Variants in ULK4 observed in about 807,000 individuals in gnomAD.
ULK4 encodes the protein inactive serine/threonine-protein kinase ULK4.
In ULK4, 133 loss-of-function variants were observed where a neutral mutation model predicts 160.6. The observed-to-expected ratio is 0.83, with a 90% CI of 0.72 to 0.96. ULK4 has a LOEUF of 0.96. ULK4 is among the 40% of genes least tolerant of loss of function. The pLI, the probability that ULK4 is intolerant of heterozygous loss-of-function variation, is 0.00. For missense variants in ULK4, 1,580 were observed against 1,499.5 expected, an observed-to-expected ratio of 1.05 and a Z score of -0.89; for synonymous variants, 534 against 539.8, an observed-to-expected ratio of 0.99 and a Z score of 0.15.
chr3:41,569,788 AT>A (rs10711757), intron 31 of ULK4, among the ~76,000 whole-genome samples: 84,815 of 150,288 alleles, frequency 0.56, 24,347 homozygotes, highest in Admixed American at 0.67. Flanking sequence ...ACTACCCTAC[AT>A]TTTTTTTTTG....
At chr3:41,694,424 G>C (rs1433329490) in intron 27 of ULK4, among the ~76,000 whole-genome samples, 1 of 152,212 alleles carries the variant, frequency 6.6e-6, no homozygotes, top group Non-Finnish European at 1.5e-5. Context: ...GACATACTCT[G>C]TTGGATGGGT....
chr3:41,706,875 GTGTGTGTGTGTGTGTA>G (rs1439304080), intron 25 of ULK4, among the ~76,000 whole-genome samples: 1 of 129,554 alleles, frequency 7.7e-6, no homozygotes, highest in Non-Finnish European at 1.5e-5. Context: ...GTGTGTGTGT[GTGTGTGTGTGTGTGTA>G]TATATATATA....
At chr3:41,803,479 CTTTT>C (rs1011076110) in intron 19 of ULK4, among the ~76,000 whole-genome samples, 3 of 151,946 alleles carry the variant, frequency 2.0e-5, no homozygotes, top group African/African-American at 4.8e-5. Context: ...GCAAAGCTTT[CTTTT>C]TTATTATTAT....
chr3:41,445,207 C>G (rs1268794274), intron 34 of ULK4, among the ~76,000 whole-genome samples: 3 of 152,116 alleles, frequency 2.0e-5, no homozygotes, highest in African/African-American at 7.2e-5. Flanking sequence ...CAAACCACTG[C>G]TCAAGGAAAT....
chr3:41,583,381 T>C (rs6808562), intron 31 of ULK4, among the ~76,000 whole-genome samples: 31,901 of 152,182 alleles, frequency 0.21, 3,683 homozygotes, highest in South Asian at 0.3. Flanking sequence ...TATTTTCCAC[T>C]ATGAATCTCT....
At chr3:41,671,448 C>G (rs947761386) in intron 29 of ULK4, among the ~76,000 whole-genome samples, 2 of 152,028 alleles carry the variant, frequency 1.3e-5, no homozygotes, top group African/African-American at 4.8e-5. Context: ...ACATTTGTAG[C>G]CAATTAATCT....
intron 35 of ULK4, among the ~76,000 whole-genome samples, chr3:41,274,098 C>CAGTAAGCTGAGGCAATCAT (rs2125688608): frequency 6.6e-6 from 1 of 152,108 alleles, no homozygotes; most frequent in East Asian, 1.9e-4. Context: ...ACTCTCAAGG[C>CAGTAAGCTGAGGCAATCAT]AGTAAGCTGA....
At chr3:41,429,697 C>T (rs2082859206) in intron 34 of ULK4, among the ~76,000 whole-genome samples, 1 of 150,862 alleles carries the variant, frequency 6.6e-6, no homozygotes, top group African/African-American at 2.4e-5. Context: ...AATGAGAACA[C>T]ATGGACAATG....
chr3:41,681,752 C>T lies in ULK4; in HGVS notation c.2833+1G>A. ...ATTCTTGCTGGTGTCATCACACTTA[C>T]CATTTTGGCTTTGAACCAAGGACAC... On this transcript the variant is annotated splice_donor_variant, in intron 28 of 36. Transcript: ENST00000301831. LOFTEE classifies it high-confidence loss of function. 6.2e-7 allele frequency: 1 copy of T among 1,614,064 alleles called. No individual in the cohort carries two copies. The highest frequency in any genetic ancestry group is 8.5e-7 in the Non-Finnish European group (1 of 1,179,962).
chr3:41,673,639 T>C (rs2035609063), intron 29 of ULK4, among the ~76,000 whole-genome samples: 1 of 152,118 alleles, frequency 6.6e-6, no homozygotes, highest in African/African-American at 2.4e-5. Flanking sequence ...CACATTTATA[T>C]CAGCATGATC....
At chr3:41,442,822 T>A (rs1415637396) in intron 34 of ULK4, among the ~76,000 whole-genome samples, 5 of 152,210 alleles carry the variant, frequency 3.3e-5, no homozygotes, top group African/African-American at 1.2e-4. Flanking sequence ...ATTTAATATT[T>A]ATTTAGTACT....
At chr3:41,608,418 G>C (rs1349592788) in intron 31 of ULK4, among the ~76,000 whole-genome samples, 1 of 152,196 alleles carries the variant, frequency 6.6e-6, no homozygotes, top group East Asian at 1.9e-4. Flanking sequence ...GGTAATCTCA[G>C]TTGTTTCTGT....
At chr3:41,902,132 A>G (rs1194397466) in intron 12 of ULK4, among the ~76,000 whole-genome samples, 1 of 152,226 alleles carries the variant, frequency 6.6e-6, no homozygotes, top group Admixed American at 6.5e-5. Flanking sequence ...CAAACTAAAT[A>G]AAATAGAAAA....
intron 31 of ULK4, among the ~76,000 whole-genome samples, chr3:41,611,928 A>G (rs945115589): frequency 7.2e-5 from 11 of 152,154 alleles, no homozygotes; most frequent in African/African-American, 2.4e-4. Context: ...ACTTGGGCAC[A>G]TCTAAGGACA....
At chr3:41,437,486 T>C (rs1445620349) in intron 34 of ULK4, among the ~76,000 whole-genome samples, 1 of 152,228 alleles carries the variant, frequency 6.6e-6, no homozygotes, top group Non-Finnish European at 1.5e-5. Flanking sequence ...TGTAAACAGC[T>C]GGCAGTGAGC....
chr3:41,742,757 A>G (rs2038284657), intron 22 of ULK4, among the ~76,000 whole-genome samples: 1 of 151,996 alleles, frequency 6.6e-6, no homozygotes, highest in African/African-American at 2.4e-5. Context: ...AAAATCTCAG[A>G]TAAGGAGAAA....
At chr3:41,472,870 TC>T (rs1195053980) in intron 32 of ULK4, among the ~76,000 whole-genome samples, 1 of 152,158 alleles carries the variant, frequency 6.6e-6, no homozygotes, top group Non-Finnish European at 1.5e-5. Flanking sequence ...GTAAAAATAC[TC>T]AATAAAATGC....
At position 41,592,633 on chromosome 3, in the gene ULK4, T is replaced by C. The variant is rs565938528; in HGVS notation, c.3120+23036A>G. 5.3e-5 allele frequency among the ~76,000 whole-genome samples: 8 copies of C among 152,342 alleles called. No homozygotes were observed. In the South Asian group the frequency reaches 1.7e-3, roughly 32 times the overall value. ...AAACATTAAAAACTCTTATCAGTTA[T>C]AAATGTATAGAGAAGTAAAAAATAG... On this transcript the variant is annotated intron_variant, in intron 31 of 36. Transcript: ENST00000301831.
chr3:41,501,100 T>C (rs2085188051), intron 32 of ULK4, among the ~76,000 whole-genome samples: 1 of 152,156 alleles, frequency 6.6e-6, no homozygotes, highest in Non-Finnish European at 1.5e-5. Flanking sequence ...AGATTGACAA[T>C]TCATAAGTGT....
Sources: gnomAD v4.1 joint callset for allele counts (sites outside exome capture counted in the v4.1 genomes callset) on GRCh38, gnomAD v4.1.1 for gene constraint, MANE v1.5 for transcripts, NCBI Gene and HGNC (gene_info 2026-07-23, HGNC 2026-07-21) for gene names.